SULF1: variants seen among roughly 807,000 people sequenced by gnomAD.
The protein encoded by SULF1 is extracellular sulfatase Sulf-1.
SULF1 carries 46 observed loss-of-function variants against 110.5 expected under a neutral mutation model. The ratio of observed to expected loss-of-function variants is 0.42; its 90% CI spans 0.33 to 0.53. SULF1 has a LOEUF of 0.53. Ranked by LOEUF, SULF1 falls within the 20% of genes least tolerant of loss-of-function variation. SULF1 has a pLI of 0.12. For synonymous variants in SULF1, 371 were observed against 387.1 expected (o/e 0.96, Z 0.49); for missense variants, 941 against 1,094.2 (o/e 0.86, Z 1.98).
chr8:69,532,577 G>A (rs2150645911), intron 3 of SULF1, among the ~76,000 whole-genome samples: 1 of 152,326 alleles, frequency 6.6e-6, no homozygotes, highest in Non-Finnish European at 1.5e-5. Flanking sequence ...AGGATGCATT[G>A]CAAGATCTTT....
chr8:69,596,394 A>G (rs561641187), intron 8 of SULF1, among the ~76,000 whole-genome samples: 13 of 152,300 alleles, frequency 8.5e-5, no homozygotes, highest in Non-Finnish European at 1.0e-4. Context: ...AAAGCAAATA[A>G]CCAGTATTGT....
intron 12 of SULF1, among the ~76,000 whole-genome samples, chr8:69,604,501 A>AT (rs111834768): frequency 5.3e-5 from 8 of 152,270 alleles, no homozygotes; most frequent in African/African-American, 1.7e-4. Context: ...TATTTGTATA[A>AT]TTTTTTTAAC....
chr8:69,509,953 A>G (rs1811443512), intron 3 of SULF1, among the ~76,000 whole-genome samples: 2 of 152,220 alleles, frequency 1.3e-5, no homozygotes, highest in South Asian at 4.1e-4. Flanking sequence ...TTTGTATGAC[A>G]TGACTTGTGC....
chr8:69,590,503 T>A (rs1038790543), intron 8 of SULF1, among the ~76,000 whole-genome samples: 3 of 152,164 alleles, frequency 2.0e-5, no homozygotes, highest in Non-Finnish European at 2.9e-5. Context: ...TGTAACTGAT[T>A]GACTTATGAC....
intron 3 of SULF1, among the ~76,000 whole-genome samples, chr8:69,554,398 A>G (rs1457734569): frequency 2.0e-5 from 3 of 152,206 alleles, no homozygotes; most frequent in Admixed American, 2.0e-4. Context: ...GTAACACTTT[A>G]GGATGCTAAT....
intron 3 of SULF1, among the ~76,000 whole-genome samples, chr8:69,514,893 A>G (rs1374037518): frequency 6.6e-6 from 1 of 152,224 alleles, no homozygotes; most frequent in Non-Finnish European, 1.5e-5. Context: ...TCTCATATCC[A>G]GGCCACACTG....
rs1586654932 is a variant in SULF1 at position 69,659,135 on chromosome 8, A to T, written c.*600A>T. 2 of 456,624 alleles carry T rather than the reference A, an allele frequency of 4.4e-6. No homozygotes were observed. The highest frequency in any genetic ancestry group is 2.0e-5 in the African/African-American group (1 of 50,074). The allele number at this position is 456,624 out of a possible 1,614,324, so 28.3% of individuals were successfully genotyped here. A position where few individuals can be genotyped will look rare whatever the true frequency, so the allele number is the denominator to read the frequency against. ...GGTCCTGGAAAGGACATTTTTGAAG[A>T]TCAACTATATCTTCCTGTGCATTCC... On this transcript the variant is annotated 3_prime_UTR_variant, in exon 23 of 23. Coordinates refer to ENST00000402687, the MANE Select transcript of SULF1 (RefSeq NM_001128205.2).
intron 6 of SULF1, among the ~76,000 whole-genome samples, chr8:69,580,081 C>G (rs1805957452): frequency 6.6e-6 from 1 of 152,028 alleles, no homozygotes; most frequent in Non-Finnish European, 1.5e-5. Context: ...TTATATTTAC[C>G]ATTGTATGAC....
intron 6 of SULF1, among the ~76,000 whole-genome samples, chr8:69,580,957 C>A (rs1042727938): frequency 1.3e-5 from 2 of 152,058 alleles, no homozygotes; most frequent in African/African-American, 4.8e-5. Flanking sequence ...ATGTAGAGTT[C>A]ACTTAAAGTA....
intron 3 of SULF1, among the ~76,000 whole-genome samples, chr8:69,558,046 G>A (rs1310728093): frequency 6.6e-6 from 1 of 152,144 alleles, no homozygotes; most frequent in Non-Finnish European, 1.5e-5. Context: ...TGCCAGCTGT[G>A]GGGTTGTTAA....
chr8:69,470,409 A>G (rs1189054490), intron 1 of SULF1, among the ~76,000 whole-genome samples: 1 of 152,158 alleles, frequency 6.6e-6, no homozygotes, highest in Non-Finnish European at 1.5e-5. Context: ...TATGTTTCCT[A>G]TTTAAATTCT....
At chr8:69,623,295 A>G (rs1476707776) in intron 14 of SULF1, among the ~76,000 whole-genome samples, 4 of 152,196 alleles carry the variant, frequency 2.6e-5, no homozygotes, top group South Asian at 2.1e-4. Flanking sequence ...AAGCAGCCCA[A>G]TGTAGTGGTA....
intron 3 of SULF1, among the ~76,000 whole-genome samples, chr8:69,549,153 C>A (rs1814510371): frequency 6.6e-6 from 1 of 152,214 alleles, no homozygotes; most frequent in South Asian, 2.1e-4. Context: ...TGCCATGCCT[C>A]AGCCCAAGTC....
chr8:69,583,940 A>G (rs1246547085), intron 6 of SULF1, among the ~76,000 whole-genome samples: 2 of 152,224 alleles, frequency 1.3e-5, no homozygotes, highest in African/African-American at 2.4e-5. Flanking sequence ...TTGCACAAGC[A>G]AAAATAGAGA....
chr8:69,603,591 T>G lies in SULF1; in HGVS notation c.1191-9T>G. The G allele has an allele frequency of 6.2e-7, 1 of 1,610,122 alleles. No homozygotes were observed. The highest frequency in any genetic ancestry group is 8.5e-7 in the Non-Finnish European group (1 of 1,176,352). Reference sequence around the variant, plus strand: ...ATGCCAAAAGTAAATATTATCATTTTGCTTTCAGGTTTCGAACAAACAAGA... The same window carrying G: ...ATGCCAAAAGTAAATATTATCATTTGGCTTTCAGGTTTCGAACAAACAAGA... On this transcript the variant is annotated splice_polypyrimidine_tract_variant and intron_variant, in intron 11 of 22. Coordinates refer to ENST00000402687, the MANE Select transcript of SULF1 (RefSeq NM_001128205.2).
At chr8:69,539,390 C>T (rs747612845) in intron 3 of SULF1, among the ~76,000 whole-genome samples, 1 of 152,088 alleles carries the variant, frequency 6.6e-6, no homozygotes, top group African/African-American at 2.4e-5. Context: ...ATTTAGATGT[C>T]CTAATATTTC....
At chr8:69,533,138 CA>C (rs1208182829) in intron 3 of SULF1, among the ~76,000 whole-genome samples, 1 of 152,208 alleles carries the variant, frequency 6.6e-6, no homozygotes, top group African/African-American at 2.4e-5. Flanking sequence ...CCTATTATCC[CA>C]GCAAGGACAG....
rs1586612511 is a variant in SULF1 at position 69,638,803 on chromosome 8, C to T, written c.2496C>T (p.Leu832=). ...LNQLHVQLME[L]RSCQGYKQCN... is the part of the protein sequence containing the mutation. Reference sequence around the variant, plus strand: ...AGCTACACGTACAACTAATGGAGCTCAGAAGCTGTCAAGGATATAAGCAGT... The same window carrying T: ...AGCTACACGTACAACTAATGGAGCTTAGAAGCTGTCAAGGATATAAGCAGT... Residue 832 remains leucine, a synonymous_variant, in exon 21 of 23, where the codon CTC becomes CTT. Coordinates refer to ENST00000402687, the MANE Select transcript of SULF1 (RefSeq NM_001128205.2). 1.9e-6 allele frequency: 3 copies of T among 1,614,074 alleles called. No homozygotes were observed. The highest frequency in any genetic ancestry group is 1.7e-5 in the Admixed American group (1 of 60,008).
rs560916231 is a variant in SULF1, at chr8:69,600,825, C to T, written c.885+72C>T. 44 of 1,502,550 alleles carry T rather than the reference C, an allele frequency of 2.9e-5. No homozygotes were observed. The African/African-American group carries it at 3.5e-4, about 12-fold the overall frequency. 93.1% of individuals were successfully genotyped at this position (1,502,550 alleles called of 1,614,324 possible). A position where few individuals can be genotyped will look rare whatever the true frequency, so the allele number is the denominator to read the frequency against. On this transcript the variant is annotated intron_variant, in intron 9 of 22. Coordinates refer to ENST00000402687, the MANE Select transcript of SULF1 (RefSeq NM_001128205.2). ...TTTGTGTAGACTTATTCTTGCCAAT[C>T]CTGTTTGGTTTTTTCCCCTTCATTT... is the stretch of plus-strand genomic sequence containing the variant.
Sources: gnomAD v4.1 joint callset for allele counts (sites outside exome capture counted in the v4.1 genomes callset) on GRCh38, gnomAD v4.1.1 for gene constraint, MANE v1.5 for transcripts, NCBI Gene and HGNC (gene_info 2026-07-23, HGNC 2026-07-21) for gene names.